CDC20B: variants seen among roughly 807,000 people sequenced by gnomAD.
CDC20B encodes the protein cell division cycle protein 20 homolog B.
A neutral mutation model predicts 64.1 loss-of-function variants in CDC20B; 58 were observed. That is an observed-to-expected ratio of 0.90 (90% CI 0.73 to 1.13). The LOEUF is 1.13. CDC20B is among the 50% of genes most tolerant of loss of function. CDC20B has a pLI of 0.00. For synonymous variants in CDC20B, 243 were observed against 230.6 expected (o/e 1.05, Z -0.49); for missense variants, 597 against 633.0 (o/e 0.94, Z 0.61).
intron 11 of CDC20B, among the ~76,000 whole-genome samples, chr5:55,116,399 T>C (rs997034016): frequency 6.6e-6 from 1 of 152,100 alleles, no homozygotes; most frequent in South Asian, 2.1e-4. Context: ...AGATCCAGCC[T>C]CCTAAAAAGA....
chr5:55,124,667 T>G (rs111701167), intron 9 of CDC20B, 136 bp downstream of exon 9: 1 of 747,498 alleles, frequency 1.3e-6, no homozygotes, highest in African/African-American at 1.8e-5. Context: ...TTCAGGAGAG[T>G]GATGACAAAC....
In CDC20B at chr5:55,125,004, A is replaced by G; in HGVS notation, c.1014T>C (p.Tyr338=). Reference sequence around the variant, plus strand: ...GCTGGGCTACCCGAACATCGTGATGATAAACACGCCCCAGTCTTGACCCAC... The same window carrying G: ...GCTGGGCTACCCGAACATCGTGATGGTAAACACGCCCCAGTCTTGACCCAC... ...LSSGSRLGRV[Y]HHDVRVAQHH... is the part of the protein sequence containing the mutation. The change falls in exon 9 of 12, where the codon TAT becomes TAC. Residue 338 remains tyrosine (Y), a synonymous_variant. Transcript: ENST00000381375. 2 of 1,613,814 alleles carry G rather than the reference A, an allele frequency of 1.2e-6. No individual in the cohort carries two copies. The highest frequency in any genetic ancestry group is 1.7e-6 in the Non-Finnish European group (2 of 1,179,666).
intron 4 of CDC20B, among the ~76,000 whole-genome samples, chr5:55,141,270 T>C (rs1743321463): frequency 6.6e-6 from 1 of 152,200 alleles, no homozygotes; most frequent in African/African-American, 2.4e-5. Context: ...GGCTCTCCCT[T>C]GCCTTCAGGG....
chr5:55,163,954 A>G, intron 2 of CDC20B: 1 of 885,862 alleles, frequency 1.1e-6, no homozygotes, highest in East Asian at 2.6e-5. Context: ...ACAGTCCTAG[A>G]ACTTGATACT....
rs1390677577 is a variant in CDC20B at position 55,124,814 on chromosome 5, T to G, written c.1204A>C (p.Thr402Pro). ...GQPLKVITQS[T>P]AVKAMDWCPW... ...ATTGGGTTTCTTACCTTGACTGCCG[T>G]AGACTGGGTTATGACTTTCAGCGGT... Residue 402 changes from threonine (T) to proline (P), a missense_variant, in exon 9 of 12, where the codon ACG (threonine) becomes CCG (proline). Transcript: ENST00000381375. 6.2e-7 allele frequency: 1 copy of G among 1,613,874 alleles called. No homozygotes were observed. The highest frequency in any genetic ancestry group is 1.1e-5 in the South Asian group (1 of 91,080).
At chr5:55,138,183 AC>A (rs1743236275) in intron 5 of CDC20B, among the ~76,000 whole-genome samples, 1 of 145,162 alleles carries the variant, frequency 6.9e-6, no homozygotes, top group Non-Finnish European at 1.5e-5. Flanking sequence ...AAAAAAAAAG[AC>A]AGAGCTCACT....
At chr5:55,171,526 C>T (rs1368436793) in intron 2 of CDC20B, among the ~76,000 whole-genome samples, 1 of 152,084 alleles carries the variant, frequency 6.6e-6, no homozygotes, top group African/African-American at 2.4e-5. Flanking sequence ...TTAGTTTTCT[C>T]CTACTAGAAA....
At chr5:55,145,836 CTT>C (rs142867992) in intron 3 of CDC20B, among the ~76,000 whole-genome samples, 96 of 151,676 alleles carry the variant, frequency 6.3e-4, no homozygotes, top group African/African-American at 2.3e-3. Flanking sequence ...CTTCCTCTTA[CTT>C]TCTCTTCCTC....
intron 6 of CDC20B, among the ~76,000 whole-genome samples, chr5:55,130,341 G>A (rs991822201): frequency 6.6e-6 from 1 of 152,088 alleles, no homozygotes; most frequent in Non-Finnish European, 1.5e-5. Flanking sequence ...AAAGAATGTG[G>A]AGAAAAAATT....
intron 2 of CDC20B, among the ~76,000 whole-genome samples, chr5:55,152,769 CA>C (rs1261502965): frequency 1.3e-5 from 2 of 152,134 alleles, no homozygotes; most frequent in African/African-American, 4.8e-5. Flanking sequence ...TCCTTAAGAC[CA>C]GGGACTTTGT....
chr5:55,139,881 A>G (rs967079153), intron 5 of CDC20B, among the ~76,000 whole-genome samples: 3 of 151,940 alleles, frequency 2.0e-5, no homozygotes, highest in Admixed American at 2.0e-4. Context: ...AAAAAAATTA[A>G]CCAGGCATGG....
At chr5:55,127,406 T>A in intron 7 of CDC20B, 55 bp from the exon 8 acceptor site, 1 of 1,440,556 alleles carries the variant, frequency 6.9e-7, no homozygotes, top group African/African-American at 1.4e-5. Flanking sequence ...CAGCCCACTG[T>A]CTTCTCAAAG....
At chr5:55,149,865 G>A (rs1450721211) in intron 2 of CDC20B, among the ~76,000 whole-genome samples, 2 of 152,220 alleles carry the variant, frequency 1.3e-5, no homozygotes. Context: ...CAGGTGCAGT[G>A]GCTCACACCT....
At chr5:55,160,990 G>A in intron 2 of CDC20B, 1 of 1,583,734 alleles carries the variant, frequency 6.3e-7, no homozygotes. Flanking sequence ...TCTTTTTCCG[G>A]GAGGTTTCAC....
Position 55,144,485 on chromosome 5 carries a change from T to C in CDC20B, c.356-842A>G, listed in dbSNP as rs74693792. On this transcript the variant is annotated intron_variant, in intron 3 of 11. Transcript: ENST00000381375. Reference sequence around the variant, plus strand: ...AATCTCTTCTTCATTTGGACAACCATGAGCTTGATAAATTCTCACTAATGT... The same window carrying C: ...AATCTCTTCTTCATTTGGACAACCACGAGCTTGATAAATTCTCACTAATGT... Among the ~76,000 whole-genome samples, 907 of 152,328 alleles carry C rather than the reference T, an allele frequency of 6.0e-3. 9 individuals are homozygous for C. The highest frequency in any genetic ancestry group is 0.021 in the African/African-American group (853 of 41,572).
At chr5:55,167,360 T>C (rs1744448080) in intron 2 of CDC20B, among the ~76,000 whole-genome samples, 1 of 152,222 alleles carries the variant, frequency 6.6e-6, no homozygotes, top group African/African-American at 2.4e-5. Context: ...ATCAATAGTA[T>C]ATATACGTGT....
At chr5:55,127,764 T>A (rs1742931359) in intron 7 of CDC20B, among the ~76,000 whole-genome samples, 1 of 152,160 alleles carries the variant, frequency 6.6e-6, no homozygotes, top group African/African-American at 2.4e-5. Context: ...TAATTCCACT[T>A]ACTGCTAAGA....
chr5:55,131,686 G>A (rs1251591085), intron 6 of CDC20B, among the ~76,000 whole-genome samples: 1 of 152,172 alleles, frequency 6.6e-6, no homozygotes, highest in Non-Finnish European at 1.5e-5. Context: ...TGACTAGAGT[G>A]GATTTGAGAC....
chr5:55,126,466 C>CAA (rs34581363), intron 8 of CDC20B: 1,041 of 98,448 alleles, frequency 0.011, 26 homozygotes, highest in African/African-American at 0.023. Flanking sequence ...GATTCCATGT[C>CAA]AAAAAAAAAA....
Sources: gnomAD v4.1 joint callset for allele counts (sites outside exome capture counted in the v4.1 genomes callset) on GRCh38, gnomAD v4.1.1 for gene constraint, MANE v1.5 for transcripts, NCBI Gene and HGNC (gene_info 2026-07-23, HGNC 2026-07-21) for gene names.